TM7SF3: variants seen among roughly 807,000 people sequenced by gnomAD.
The protein encoded by TM7SF3 is seven span transmembrane protein.
Under a neutral mutation model 65.5 loss-of-function variants are expected in TM7SF3, and 60 were observed. That is an observed-to-expected ratio of 0.92 (90% CI 0.74 to 1.14). The LOEUF (loss-of-function observed/expected upper bound fraction) is 1.14, where lower values mean the gene tolerates loss of function less well. Ranked by LOEUF, TM7SF3 falls within the 50% of genes most tolerant of loss-of-function variation. TM7SF3 has a pLI of 0.00. For missense variants in TM7SF3, 623 were observed against 684.8 expected (o/e 0.91, Z 1.01); for synonymous variants, 264 against 259.6 (o/e 1.02, Z -0.16).
At chr12:26,991,192 C>CCGGACTG (rs770843567) in intron 5 of TM7SF3, among the ~76,000 whole-genome samples, 25 of 138,496 alleles carry the variant, frequency 1.8e-4, no homozygotes, top group Non-Finnish European at 3.3e-4. Context: ...GTCGCCCAGG[C>CCGGACTG]CGGACTGCGG....
At chr12:26,997,635 T>TC (rs1403245412) in intron 3 of TM7SF3, among the ~76,000 whole-genome samples, 6 of 152,028 alleles carry the variant, frequency 3.9e-5, no homozygotes, top group Non-Finnish European at 5.9e-5. Context: ...TAGCGCTCCC[T>TC]CTCCTTCCCT....
At chr12:27,006,119 C>T (rs370590633) in intron 1 of TM7SF3, among the ~76,000 whole-genome samples, 1 of 146,898 alleles carries the variant, frequency 6.8e-6, no homozygotes, top group Non-Finnish European at 1.5e-5. Flanking sequence ...TTTTTTTACA[C>T]TTGTCCTTCT....
chr12:26,978,135 G>C (rs1292515340), intron 9 of TM7SF3: 2 of 429,406 alleles, frequency 4.7e-6, no homozygotes, highest in Admixed American at 2.6e-5. Context: ...CTAGCATTGA[G>C]GAGATGATCA....
intron 1 of TM7SF3, among the ~76,000 whole-genome samples, chr12:27,007,064 A>G (rs1941067098): frequency 6.6e-6 from 1 of 152,230 alleles, no homozygotes; most frequent in Non-Finnish European, 1.5e-5. Flanking sequence ...GTTCTAGTCT[A>G]AGATATCCAG....
chr12:26,980,368 A>G (rs1939763747), intron 8 of TM7SF3, 198 bp downstream of exon 8: 1 of 570,848 alleles, frequency 1.8e-6, no homozygotes, highest in African/African-American at 1.9e-5. Flanking sequence ...GTACCAAGGA[A>G]TTCACCATAC....
At chr12:27,013,777 G>T (rs1416074042) in intron 1 of TM7SF3, among the ~76,000 whole-genome samples, 1 of 152,140 alleles carries the variant, frequency 6.6e-6, no homozygotes, top group African/African-American at 2.4e-5. Context: ...TTAGTAAGTT[G>T]AATTAAAGCC....
At chr12:26,979,705 C>T in intron 9 of TM7SF3, 79 bp downstream of exon 9, 1 of 1,499,512 alleles carries the variant, frequency 6.7e-7, no homozygotes, top group Non-Finnish European at 9.1e-7. Context: ...CATGCAACAC[C>T]ACTCCAGGAT....
intron 5 of TM7SF3, among the ~76,000 whole-genome samples, chr12:26,991,014 T>A (rs1478640533): frequency 6.6e-6 from 1 of 152,176 alleles, no homozygotes; most frequent in African/African-American, 2.4e-5. Flanking sequence ...AGAGGATGTG[T>A]CCAATGTTAG....
chr12:27,012,775 A>G (rs1289534864), intron 1 of TM7SF3: 1 of 454,932 alleles, frequency 2.2e-6, no homozygotes, highest in East Asian at 7.0e-5. Flanking sequence ...CAAGGCGGGC[A>G]GATCACGAGG....
At chr12:27,011,540 C>A (rs1021037307) in intron 1 of TM7SF3, among the ~76,000 whole-genome samples, 4 of 152,170 alleles carry the variant, frequency 2.6e-5, no homozygotes, top group African/African-American at 9.7e-5. Flanking sequence ...GCTCATCCTG[C>A]CAAAGATGGG....
At chr12:26,989,986 T>A (rs1461917932) in intron 6 of TM7SF3, among the ~76,000 whole-genome samples, 1 of 152,124 alleles carries the variant, frequency 6.6e-6, no homozygotes, top group Non-Finnish European at 1.5e-5. Context: ...GCCCTCCTCG[T>A]TCTCCTGCAA....
chr12:26,991,141 C>CTTTTTT (rs35362439), intron 5 of TM7SF3, among the ~76,000 whole-genome samples: 14 of 107,480 alleles, frequency 1.3e-4, no homozygotes, highest in East Asian at 5.9e-4. Flanking sequence ...AGTAGTAGTT[C>CTTTTTT]TTTTTTTTTT....
chr12:26,983,512 A>T (rs1343025280), intron 6 of TM7SF3: 3 of 454,094 alleles, frequency 6.6e-6, no homozygotes. Flanking sequence ...TGTGAGTAAC[A>T]TGATGACCAG....
At chr12:26,976,471 A>G in intron 9 of TM7SF3, 114 bp from the exon 10 acceptor site, 1 of 666,490 alleles carries the variant, frequency 1.5e-6, no homozygotes, top group Non-Finnish European at 2.6e-6. Flanking sequence ...CAACCAGGGA[A>G]TATGTTGGCA....
intron 9 of TM7SF3, among the ~76,000 whole-genome samples, chr12:26,976,920 A>G (rs1269664413): frequency 6.6e-6 from 1 of 152,074 alleles, no homozygotes; most frequent in African/African-American, 2.4e-5. Context: ...GAACCAACCA[A>G]CTATCTGCTC....
rs1939458795 is a variant in TM7SF3, at chr12:26,973,930, CA to C, written c.*34del. On this transcript the variant is annotated 3_prime_UTR_variant, in exon 12 of 12. Transcript: ENST00000343028. ...GTTGAACCACTCCAGGCATGAACTC[CA>C]AAGCTGAGGCACACTGACCAAGCCC... The C allele has an allele frequency of 1.2e-6, 2 of 1,604,932 alleles. No individual in the cohort carries two copies. The highest frequency in any genetic ancestry group is 1.3e-5 in the African/African-American group (1 of 74,548).
chr12:27,002,750 T>C (rs1008172301), intron 2 of TM7SF3, among the ~76,000 whole-genome samples: 3 of 152,224 alleles, frequency 2.0e-5, no homozygotes, highest in Non-Finnish European at 4.4e-5. Flanking sequence ...GCTGGAGGCA[T>C]AGCACAGGGC....
At chr12:26,999,407 A>G in intron 3 of TM7SF3, 119 bp downstream of exon 3, 1 of 1,136,430 alleles carries the variant, frequency 8.8e-7, no homozygotes, top group African/African-American at 1.6e-5. Context: ...AAAAAAAAAA[A>G]TCCGATTATA....
At position 27,014,093 on chromosome 12, in the gene TM7SF3, C is replaced by T. The variant is rs1460427927; in HGVS notation, c.76G>A (p.Gly26Arg). The change falls in exon 1 of 12, where the codon GGG becomes AGG. Residue 26 changes from glycine (G) to arginine (R), a missense_variant. Gly to Arg is a moderately radical substitution (Grantham distance 125, BLOSUM62 -2). Coordinates refer to ENST00000343028, the MANE Select transcript of TM7SF3 (RefSeq NM_016551.3). ...HRVAGAAEVF[G>R]NSSEGLIEFS... ...CCGACCTTACCCTCGCTGGAATTCC[C>T]GAAGACCTCGGCTGCACCAGCCACC... 17 of 1,570,560 alleles carry T rather than the reference C, an allele frequency of 1.1e-5. No homozygotes were observed. The highest frequency in any genetic ancestry group is 5.9e-5 in the South Asian group (5 of 85,458).
Sources: gnomAD v4.1 joint callset for allele counts (sites outside exome capture counted in the v4.1 genomes callset) on GRCh38, gnomAD v4.1.1 for gene constraint, MANE v1.5 for transcripts, NCBI Gene and HGNC (gene_info 2026-07-23, HGNC 2026-07-21) for gene names.